The following E2F5 variants were observed in gnomAD, a reference collection of about 807,000 sequenced individuals.
E2F5 encodes transcription factor E2F5.
A neutral mutation model predicts 39.1 loss-of-function variants in E2F5; 23 were observed. The ratio of observed to expected loss-of-function variants is 0.59; its 90% confidence interval spans 0.42 to 0.83. The LOEUF is 0.83. Among genes scored for constraint, E2F5 ranks in the 40% least tolerant of loss-of-function variants. The pLI is 0.00. For missense variants in E2F5, 365 were observed against 406.7 expected (o/e 0.90, Z 0.88); for synonymous variants, 145 against 157.8 (o/e 0.92, Z 0.61).
At chr8:85,205,253 C>G (rs1257448870) in intron 3 of E2F5, among the ~76,000 whole-genome samples, 2 of 147,814 alleles carry the variant, frequency 1.4e-5, no homozygotes, top group African/African-American at 5.0e-5. Context: ...TTTTTTTTTT[C>G]CTGAGATGGA....
chr8:85,179,972 T>C (rs1011501640), intron 1 of E2F5, among the ~76,000 whole-genome samples: 3 of 151,694 alleles, frequency 2.0e-5, no homozygotes, highest in Non-Finnish European at 4.4e-5. Context: ...AAATCTTACA[T>C]TGAAATCTTT....
Position 85,213,604 on chromosome 8 carries a change from A to G in E2F5, c.932-149A>G, listed in dbSNP as rs553950606. ...TTTCTCAATCTAATATCAATATTCA[A>G]TGTACAAATTGTTACTAAATGAGAA... is the stretch of plus-strand genomic sequence containing the variant. On this transcript the variant is annotated intron_variant, in intron 7 of 7. Transcript: ENST00000416274. 1.8e-4 allele frequency: 82 copies of G among 446,704 alleles called. No individual in the cohort carries two copies. The South Asian group carries it at 3.1e-3, about 17-fold the overall frequency. 27.7% of individuals were successfully genotyped at this position (446,704 alleles called of 1,614,324 possible).
Position 85,203,090 on chromosome 8 carries a change from T to C in E2F5, c.345-4T>C. Reference sequence around the variant, plus strand: ...GAGGATATTAATTCTCATATGTTTTTAAGAGGTGTAGGTGCTGGCTGTAAT... The same window carrying C: ...GAGGATATTAATTCTCATATGTTTTCAAGAGGTGTAGGTGCTGGCTGTAAT... On this transcript the variant is annotated splice_region_variant and splice_polypyrimidine_tract_variant and intron_variant, in intron 2 of 7. Transcript: ENST00000416274. The C allele has an allele frequency of 6.7e-7, 1 of 1,488,674 alleles. No individual in the cohort carries two copies. Among genetic ancestry groups the C allele is most frequent in the Admixed American group, 2.3e-5 (1 of 43,078 alleles). The allele number at this position is 1,488,674 out of a possible 1,614,324, so 92.2% of individuals were successfully genotyped here.
At chr8:85,187,853 T>G (rs1812375122) in intron 1 of E2F5, 1 of 152,220 alleles carries the variant, frequency 6.6e-6, no homozygotes, top group African/African-American at 2.4e-5. Flanking sequence ...GATATTTTCT[T>G]CCTTTCTTTC....
In E2F5 at chr8:85,202,222, A is replaced by C. The variant is rs751320238; in HGVS notation, c.310A>C (p.Ile104Leu). Residue 104 changes from isoleucine (I) to leucine (L), a missense_variant, in exon 2 of 8, where the codon ATT (isoleucine) becomes CTT (leucine). Physicochemically the swap from Ile to Leu is conservative, Grantham distance 5. Transcript: ENST00000416274. Reference protein sequence around the residue: ...ITNVLEGIDLIEKKSKNSIQW... With the variant: ...ITNVLEGIDLLEKKSKNSIQW... The stretch of plus-strand genomic sequence containing the variant: ...CAATGTCTTAGAGGGAATTGACTTG[A>C]TTGAAAAAAAGTCAAAAAACAGTAT... The C allele has an allele frequency of 2.7e-5, 44 of 1,611,888 alleles. No homozygotes were observed. Among genetic ancestry groups the C allele is most frequent in the Non-Finnish European group, 3.6e-5 (43 of 1,179,208 alleles).
chr8:85,206,061 G>A (rs1415493261), intron 3 of E2F5, 116 bp from the exon 4 acceptor site: 14 of 924,984 alleles, frequency 1.5e-5, no homozygotes, highest in Non-Finnish European at 2.2e-5. Flanking sequence ...CTGTCCATGT[G>A]TGGCAGTCCC....
At chr8:85,198,217 C>T (rs1390567614) in intron 1 of E2F5, among the ~76,000 whole-genome samples, 1 of 152,164 alleles carries the variant, frequency 6.6e-6, no homozygotes, top group Non-Finnish European at 1.5e-5. Context: ...CACATCCTGC[C>T]TTCCCTACTT....
chr8:85,195,311 A>G (rs996321383), intron 1 of E2F5, among the ~76,000 whole-genome samples: 8 of 152,158 alleles, frequency 5.3e-5, no homozygotes, highest in Admixed American at 3.9e-4. Flanking sequence ...TGCACCCAGG[A>G]GGCGGAGGTT....
rs1812861623 is a variant in E2F5 at position 85,209,130 on chromosome 8, A to G, written c.616-12A>G. 1.2e-6 allele frequency: 2 copies of G among 1,611,784 alleles called. No homozygotes were observed. On this transcript the variant is annotated splice_polypyrimidine_tract_variant and intron_variant, in intron 5 of 7. Transcript: ENST00000416274. ...ATAATTATACATTTGTTTATACCCA[A>G]TAACTTCAAAGGGTCAGAATGGACA...
At chr8:85,192,551 C>T (rs556519935) in intron 1 of E2F5, among the ~76,000 whole-genome samples, 4 of 152,156 alleles carry the variant, frequency 2.6e-5, no homozygotes, top group South Asian at 4.1e-4. Context: ...GACTAGAGAA[C>T]GATGAGGGAG....
intron 1 of E2F5, among the ~76,000 whole-genome samples, chr8:85,179,541 A>G (rs1427986814): frequency 5.9e-5 from 9 of 152,206 alleles, no homozygotes; most frequent in Admixed American, 5.9e-4. Context: ...TAATGACTTC[A>G]TACTCCTAGA....
chr8:85,207,601 C>G (rs1366770510), intron 5 of E2F5, 112 bp downstream of exon 5: 6 of 789,668 alleles, frequency 7.6e-6, no homozygotes, highest in Non-Finnish European at 9.6e-6. Context: ...GTGAGTTAGT[C>G]AAGTTTTTAT....
rs764873112 is a variant in E2F5 at position 85,206,116 on chromosome 8, AC to A, written c.507-59del. On this transcript the variant is annotated intron_variant, in intron 3 of 7. Transcript: ENST00000416274. ...AGTTATTTTGACCTTCAGATGTATT[AC>A]CTTAATTTAAATGCCTACGGCTTGA... The A allele has an allele frequency of 6.0e-6, 9 of 1,498,928 alleles. No homozygotes were observed. In the South Asian group the frequency reaches 6.8e-5, roughly 11 times the overall value. 92.9% of individuals were successfully genotyped at this position (1,498,928 alleles called of 1,614,324 possible). A position where few individuals can be genotyped will look rare whatever the true frequency, so the allele number is the denominator to read the frequency against.
In E2F5 at chr8:85,209,266, ATGAC is replaced by A; in HGVS notation, c.741_744del (p.Asp248SerfsTer9). On this transcript the variant is annotated frameshift_variant, in exon 6 of 8. Coordinates refer to ENST00000416274, the MANE Select transcript of E2F5 (RefSeq NM_001951.4). LOFTEE classifies it high-confidence loss of function. ...GTGGTTTTTCCTGTTCCCCCACCTGATGACCTCACACAGCCTTCCTCCCAGTCCT... is the reference window on the plus strand; with the variant it reads ...GTGGTTTTTCCTGTTCCCCCACCTGACTCACACAGCCTTCCTCCCAGTCCT... 1 of 1,613,978 alleles carries A rather than the reference ATGAC, an allele frequency of 6.2e-7. No homozygotes were observed. Among genetic ancestry groups the A allele is most frequent in the Non-Finnish European group, 8.5e-7 (1 of 1,179,880 alleles).
At chr8:85,188,636 A>G (rs1209964917) in intron 1 of E2F5, among the ~76,000 whole-genome samples, 3 of 152,160 alleles carry the variant, frequency 2.0e-5, no homozygotes, top group South Asian at 2.1e-4. Context: ...TCAGCCTGGC[A>G]TTGGTGCAGC....
intron 1 of E2F5, among the ~76,000 whole-genome samples, chr8:85,188,038 A>G (rs1427307459): frequency 6.6e-6 from 1 of 152,198 alleles, no homozygotes; most frequent in Non-Finnish European, 1.5e-5. Context: ...ACAAACAAAC[A>G]AAAAGAAACC....
At position 85,209,282 on chromosome 8, in the gene E2F5, T is replaced by C. The variant is rs1812866005; in HGVS notation, c.756T>C (p.Pro252=). ...CCCCACCTGATGACCTCACACAGCC[T>C]TCCTCCCAGTCCTTGACTCCAGTGA... The part of the protein sequence containing the change: ...PVPPPDDLTQ[P]SSQSLTPVTP... Residue 252 remains proline (P), a synonymous_variant, in exon 6 of 8, where the codon CCT becomes CCC. Transcript: ENST00000416274. 1 of 1,613,970 alleles carries C rather than the reference T, an allele frequency of 6.2e-7. No homozygotes were observed. Among genetic ancestry groups the C allele is most frequent in the South Asian group, 1.1e-5 (1 of 91,082 alleles).
At chr8:85,180,222 T>C (rs1401050395) in intron 1 of E2F5, among the ~76,000 whole-genome samples, 2 of 151,368 alleles carry the variant, frequency 1.3e-5, no homozygotes, top group African/African-American at 2.4e-5. Context: ...GGTTTCACCA[T>C]GTTGGCCAGG....
At chr8:85,185,632 T>G (rs1406447025) in intron 1 of E2F5, among the ~76,000 whole-genome samples, 2 of 152,172 alleles carry the variant, frequency 1.3e-5, no homozygotes, top group Non-Finnish European at 2.9e-5. Flanking sequence ...AGAGTTCATA[T>G]CCAGGATCTG....
Sources: allele counts gnomAD v4.1 joint callset (sites outside exome capture counted in the v4.1 genomes callset), GRCh38; gene constraint gnomAD v4.1.1; transcripts MANE v1.5; gene names NCBI Gene and HGNC (gene_info 2026-07-23, HGNC 2026-07-21).